The following NDFIP1 variants were observed in gnomAD, a reference collection of about 807,000 sequenced individuals.
The protein encoded by NDFIP1 is Nedd4 family interacting protein 1.
In NDFIP1, 7 loss-of-function variants were observed where a neutral mutation model predicts 28.8. The ratio of observed to expected loss-of-function variants is 0.24; its 90% CI spans 0.14 to 0.46. NDFIP1 has a LOEUF of 0.46. Ranked by LOEUF, NDFIP1 falls within the 20% of genes least tolerant of loss-of-function variation. NDFIP1 has a pLI of 0.99. For synonymous variants in NDFIP1, 92 were observed against 101.0 expected, an observed-to-expected ratio of 0.91 and a Z score of 0.53; for missense variants, 194 against 269.1, an observed-to-expected ratio of 0.72 and a Z score of 1.95.
intron 1 of NDFIP1, among the ~76,000 whole-genome samples, chr5:142,113,510 T>C (rs2126909406): frequency 6.6e-6 from 1 of 152,362 alleles, no homozygotes; most frequent in Admixed American, 6.5e-5. Context: ...AGAAAATTTA[T>C]AAAAATATTA....
At position 142,142,940 on chromosome 5, in the gene NDFIP1, A is replaced by AAAAT. The variant is rs60076432; in HGVS notation, c.563-1630_563-1629insAATA. The AAAAT allele has an allele frequency of 4.2e-3, 160 of 38,106 alleles. 4 individuals carry two copies. The highest frequency in any genetic ancestry group is 9.7e-3 in the African/African-American group (77 of 7,948). The allele number at this position is 38,106 out of a possible 1,614,324, so 2.4% of individuals were successfully genotyped here. A position where few individuals can be genotyped will look rare whatever the true frequency, so the allele number is the denominator to read the frequency against. On this transcript the variant is annotated intron_variant, in intron 6 of 7. Coordinates refer to ENST00000253814, the MANE Select transcript of NDFIP1 (RefSeq NM_030571.4). ...CTCAAAAAAAAAAAAAAAAAAAAAA[A>AAAAT]ATATATATATATATATATATATATA...
intron 1 of NDFIP1, 86 bp from the exon 2 acceptor site, chr5:142,131,722 C>A (rs575555048): frequency 9.9e-7 from 1 of 1,007,214 alleles, no homozygotes; most frequent in Non-Finnish European, 1.4e-6. Context: ...AAATAGCTTT[C>A]GAGAAAGGCT....
At chr5:142,109,655 G>A (rs1387958358) in intron 1 of NDFIP1, among the ~76,000 whole-genome samples, 2 of 152,218 alleles carry the variant, frequency 1.3e-5, no homozygotes, top group African/African-American at 2.4e-5. Context: ...GATGAAGTCT[G>A]CAGGGCGTGT....
At chr5:142,116,913 G>A (rs1423830322) in intron 1 of NDFIP1, among the ~76,000 whole-genome samples, 2 of 151,966 alleles carry the variant, frequency 1.3e-5, no homozygotes, top group African/African-American at 2.4e-5. Flanking sequence ...GTTTCACCAC[G>A]TTGCCCAGGC....
intron 6 of NDFIP1, among the ~76,000 whole-genome samples, chr5:142,141,245 G>T (rs953865592): frequency 9.1e-5 from 12 of 132,154 alleles, no homozygotes; most frequent in South Asian, 5.0e-4. Flanking sequence ...GCGTGATCTC[G>T]GCTCACTGCA....
At chr5:142,112,532 TAAA>T (rs113729498) in intron 1 of NDFIP1, among the ~76,000 whole-genome samples, 3 of 103,612 alleles carry the variant, frequency 2.9e-5, no homozygotes, top group African/African-American at 3.7e-5. Context: ...AAGACTGTCT[TAAA>T]AAAAAAAAAA....
chr5:142,116,785 A>G (rs1757073219), intron 1 of NDFIP1, among the ~76,000 whole-genome samples: 1 of 152,020 alleles, frequency 6.6e-6, no homozygotes, highest in African/African-American at 2.4e-5. Context: ...AGCTCTGCTC[A>G]CTGCAATCTC....
chr5:142,126,892 T>C (rs527980387), intron 1 of NDFIP1, among the ~76,000 whole-genome samples: 164 of 152,332 alleles, frequency 1.1e-3, no homozygotes, highest in African/African-American at 3.9e-3. Context: ...CTATTAGAAT[T>C]AGAACTATAT....
At chr5:142,147,093 T>G (rs1471424105) in intron 7 of NDFIP1, among the ~76,000 whole-genome samples, 1 of 152,190 alleles carries the variant, frequency 6.6e-6, no homozygotes, top group East Asian at 1.9e-4. Context: ...TAATAGAGTT[T>G]ATTTGCTTTT....
At chr5:142,148,475 G>A (rs977019916) in intron 7 of NDFIP1, among the ~76,000 whole-genome samples, 1 of 152,150 alleles carries the variant, frequency 6.6e-6, no homozygotes, top group Non-Finnish European at 1.5e-5. Context: ...ACTGGGCCGG[G>A]CGCAGTGGCT....
chr5:142,149,896 A>G (rs1405001767), intron 7 of NDFIP1, among the ~76,000 whole-genome samples: 3 of 152,152 alleles, frequency 2.0e-5, no homozygotes, highest in African/African-American at 4.8e-5. Flanking sequence ...ATTAAAAGAA[A>G]CTGGGCCAGG....
chr5:142,117,808 A>C (rs1223754054), intron 1 of NDFIP1, among the ~76,000 whole-genome samples: 2 of 146,946 alleles, frequency 1.4e-5, no homozygotes, highest in African/African-American at 5.1e-5. Flanking sequence ...GCTCACTGCA[A>C]CCCTCCATCT....
intron 7 of NDFIP1, among the ~76,000 whole-genome samples, chr5:142,149,562 C>T (rs1444338119): frequency 3.3e-5 from 5 of 151,532 alleles, no homozygotes; most frequent in Middle Eastern, 3.2e-3. Context: ...GCCACTCAAG[C>T]CTCCAAGTCT....
intron 1 of NDFIP1, among the ~76,000 whole-genome samples, chr5:142,110,812 G>C (rs1757007076): frequency 6.6e-6 from 1 of 151,856 alleles, no homozygotes; most frequent in Admixed American, 6.6e-5. Flanking sequence ...AGCTAATATT[G>C]ATTTTTTTAT....
intron 1 of NDFIP1, among the ~76,000 whole-genome samples, chr5:142,127,110 G>A (rs996679324): frequency 3.3e-5 from 5 of 152,060 alleles, no homozygotes; most frequent in Admixed American, 2.0e-4. Flanking sequence ...CCACCTCCCC[G>A]GATCAAGTGA....
chr5:142,141,695 C>T (rs1313006552), intron 6 of NDFIP1, among the ~76,000 whole-genome samples: 1 of 152,148 alleles, frequency 6.6e-6, no homozygotes, highest in East Asian at 1.9e-4. Context: ...GTGTGATTGC[C>T]TCACTGTGCT....
At position 142,133,094 on chromosome 5, in the gene NDFIP1, G is replaced by T. The variant is rs542567470; in HGVS notation, c.282+752G>T. 1.7e-4 allele frequency among the ~76,000 whole-genome samples: 26 copies of T among 152,372 alleles called. 1 individual carries two copies. The highest frequency in any genetic ancestry group is 1.4e-3 in the South Asian group (7 of 4,834). On this transcript the variant is annotated intron_variant, in intron 3 of 7. Transcript: ENST00000253814. ...ATGAGCAAGTACAGAAGCCTAGTCT[G>T]GGCAGTGTGATGGCATAGGCCCAGA...
At chr5:142,111,777 G>C (rs776626555) in intron 1 of NDFIP1, among the ~76,000 whole-genome samples, 1 of 152,202 alleles carries the variant, frequency 6.6e-6, no homozygotes, top group Non-Finnish European at 1.5e-5. Context: ...TGCAGAAAGG[G>C]TAGGCTCAAC....
At chr5:142,123,450 A>G (rs1757140883) in intron 1 of NDFIP1, among the ~76,000 whole-genome samples, 1 of 152,174 alleles carries the variant, frequency 6.6e-6, no homozygotes, top group South Asian at 2.1e-4. Flanking sequence ...TAATTCTTGA[A>G]TAGATGCCAG....
Sources: allele counts gnomAD v4.1 joint callset (sites outside exome capture counted in the v4.1 genomes callset), GRCh38; gene constraint gnomAD v4.1.1; transcripts MANE v1.5; gene names NCBI Gene and HGNC (gene_info 2026-07-23, HGNC 2026-07-21).